The following PTPRT variants were observed in gnomAD, a reference collection of about 807,000 sequenced individuals.
PTPRT encodes receptor-type tyrosine-protein phosphatase T.
A neutral mutation model predicts 176.8 loss-of-function variants in PTPRT; 56 were observed. The ratio of observed to expected loss-of-function variants is 0.32; its 90% CI spans 0.26 to 0.40. The LOEUF is 0.40. Ranked by LOEUF, PTPRT falls within the 10% of genes least tolerant of loss-of-function variation. The pLI is 1.00. For synonymous variants in PTPRT, 783 were observed against 739.0 expected, an observed-to-expected ratio of 1.06 and a Z score of -0.96; for missense variants, 1,540 against 1,908.2, an observed-to-expected ratio of 0.81 and a Z score of 3.60.
intron 11 of PTPRT, among the ~76,000 whole-genome samples, chr20:42,317,726 G>A (rs2057740750): frequency 1.3e-5 from 2 of 152,200 alleles, no homozygotes; most frequent in African/African-American, 4.8e-5. Context: ...CTAAGAAAAT[G>A]TGACACACTC....
At chr20:42,517,143 C>T (rs2072082907) in intron 7 of PTPRT, among the ~76,000 whole-genome samples, 2 of 151,846 alleles carry the variant, frequency 1.3e-5, no homozygotes, top group African/African-American at 2.4e-5. Context: ...TAAAACTTGC[C>T]TATTAAATCA....
chr20:42,525,102 C>T (rs1235949732), intron 7 of PTPRT, among the ~76,000 whole-genome samples: 2 of 152,088 alleles, frequency 1.3e-5, no homozygotes, highest in Non-Finnish European at 2.9e-5. Context: ...ATTCTTCCAC[C>T]TCAGCCTCCC....
intron 1 of PTPRT, among the ~76,000 whole-genome samples, chr20:42,954,536 C>A (rs1981493910): frequency 2.0e-5 from 3 of 152,196 alleles, no homozygotes. Flanking sequence ...TCCAGAAAGG[C>A]AAGCACAGCA....
chr20:42,301,280 C>T (rs1023259283), intron 12 of PTPRT, among the ~76,000 whole-genome samples: 2 of 152,098 alleles, frequency 1.3e-5, no homozygotes, highest in Non-Finnish European at 2.9e-5. Flanking sequence ...GTATTCCTGA[C>T]AAAAATGCAT....
At chr20:42,840,732 G>A (rs906583723) in intron 2 of PTPRT, among the ~76,000 whole-genome samples, 3 of 152,042 alleles carry the variant, frequency 2.0e-5, no homozygotes, top group African/African-American at 7.2e-5. Flanking sequence ...TTTTTAGAGA[G>A]ACACAATTCA....
At chr20:42,527,698 T>A (rs1023915703) in intron 7 of PTPRT, among the ~76,000 whole-genome samples, 7 of 152,200 alleles carry the variant, frequency 4.6e-5, no homozygotes, top group African/African-American at 1.7e-4. Flanking sequence ...TGGAGGCTTT[T>A]CACAAGCCTA....
At chr20:42,169,250 G>C (rs1410937334) in intron 16 of PTPRT, among the ~76,000 whole-genome samples, 1 of 152,164 alleles carries the variant, frequency 6.6e-6, no homozygotes, top group Non-Finnish European at 1.5e-5. Flanking sequence ...CCGAGACGCA[G>C]ATTCAGTGTT....
intron 1 of PTPRT, among the ~76,000 whole-genome samples, chr20:43,160,352 T>A (rs867503368): frequency 3.3e-5 from 5 of 152,230 alleles, no homozygotes; most frequent in African/African-American, 7.2e-5. Flanking sequence ...TAATAACTAC[T>A]CTCTGTTTAG....
intron 7 of PTPRT, among the ~76,000 whole-genome samples, chr20:42,590,675 G>A (rs1240791366): frequency 6.6e-6 from 1 of 152,096 alleles, no homozygotes; most frequent in Non-Finnish European, 1.5e-5. Context: ...GTCTTCAGAA[G>A]GAGTCAGTGT....
chr20:42,361,417 C>T (rs904002335), intron 9 of PTPRT, among the ~76,000 whole-genome samples: 2 of 152,270 alleles, frequency 1.3e-5, no homozygotes, highest in East Asian at 1.9e-4. Context: ...CCTGACTCCC[C>T]TTAAGTCTTA....
chr20:42,219,962 C>T (rs905990809), intron 15 of PTPRT, among the ~76,000 whole-genome samples: 17 of 152,162 alleles, frequency 1.1e-4, no homozygotes, highest in Non-Finnish European at 1.5e-5. Context: ...ACACATCGTT[C>T]ATGCAGTAGC....
intron 9 of PTPRT, among the ~76,000 whole-genome samples, chr20:42,434,677 A>G (rs1461325072): frequency 2.0e-5 from 3 of 149,978 alleles, no homozygotes; most frequent in African/African-American, 7.3e-5. Context: ...AAAAAAAAAA[A>G]GAGGCCAGGC....
chr20:42,665,302 C>A (rs2075294914), intron 7 of PTPRT, among the ~76,000 whole-genome samples: 1 of 152,190 alleles, frequency 6.6e-6, no homozygotes, highest in African/African-American at 2.4e-5. Context: ...ACAGACACTT[C>A]TCAAAAGAAG....
At chr20:42,933,865 G>A (rs1012313497) in intron 1 of PTPRT, among the ~76,000 whole-genome samples, 8 of 152,202 alleles carry the variant, frequency 5.3e-5, no homozygotes, top group South Asian at 4.1e-4. Flanking sequence ...CTCCCAACCC[G>A]ACAAGATGAT....
At position 42,168,382 on chromosome 20, in the gene PTPRT, T is replaced by C. The variant is rs182323505; in HGVS notation, c.2492-6840A>G. ...TCATCATCTTCTTCTGAGAAGGTTG[T>C]TGCAAGGGTTAAATGTGATTCCACT... On this transcript the variant is annotated intron_variant, in intron 16 of 30. Transcript: ENST00000373187. Among the ~76,000 whole-genome samples, 116 of 152,310 alleles carry C rather than the reference T, an allele frequency of 7.6e-4. No homozygotes were observed. The South Asian group carries it at 1.0e-2, about 13-fold the overall frequency.
the PTPRT span, among the ~76,000 whole-genome samples, chr20:42,051,043 C>G: frequency 6.6e-6 from 1 of 152,220 alleles, no homozygotes; most frequent in Non-Finnish European, 1.5e-5. Context: ...AAATGTATTA[C>G]CCAGGAATGG....
intron 3 of PTPRT, among the ~76,000 whole-genome samples, chr20:42,785,060 T>C (rs956325589): frequency 5.9e-5 from 9 of 152,228 alleles, no homozygotes; most frequent in African/African-American, 2.2e-4. Context: ...GATATGTTCA[T>C]TAGTTTGACT....
chr20:43,083,353 T>C (rs1200094511), intron 1 of PTPRT, among the ~76,000 whole-genome samples: 33 of 128,394 alleles, frequency 2.6e-4, no homozygotes, highest in East Asian at 8.5e-4. Context: ...TATATATATA[T>C]ATATATATAT....
the PTPRT span, among the ~76,000 whole-genome samples, chr20:42,045,752 C>T: frequency 6.6e-6 from 1 of 152,006 alleles, no homozygotes; most frequent in Non-Finnish European, 1.5e-5. Flanking sequence ...ATAGTAAAGC[C>T]AGGATTCATA....
Sources: gnomAD v4.1 joint callset for allele counts (sites outside exome capture counted in the v4.1 genomes callset) on GRCh38, gnomAD v4.1.1 for gene constraint, MANE v1.5 for transcripts, NCBI Gene and HGNC (gene_info 2026-07-23, HGNC 2026-07-21) for gene names.